Variants in AGBL2 observed in about 807,000 individuals in gnomAD.
AGBL2 encodes cytosolic carboxypeptidase 2.
Under a neutral mutation model 103.0 loss-of-function variants are expected in AGBL2, and 87 were observed. That is an observed-to-expected ratio of 0.84 (90% CI 0.71 to 1.01). AGBL2 has a LOEUF of 1.01. Ranked by LOEUF, AGBL2 falls within the 50% of genes least tolerant of loss-of-function variation. The pLI, the probability that AGBL2 is intolerant of heterozygous loss-of-function variation, is 0.00. For missense variants in AGBL2, 904 were observed against 1,023.5 expected, an observed-to-expected ratio of 0.88 and a Z score of 1.59; for synonymous variants, 335 against 356.7, an observed-to-expected ratio of 0.94 and a Z score of 0.69.
chr11:47,668,607 T>C (rs2097348173), intron 15 of AGBL2, among the ~76,000 whole-genome samples: 1 of 152,206 alleles, frequency 6.6e-6, no homozygotes, highest in Non-Finnish European at 1.5e-5. Flanking sequence ...TTAATGATCA[T>C]TAAATGTGTG....
At chr11:47,670,006 C>T (rs551401729) in intron 14 of AGBL2, among the ~76,000 whole-genome samples, 122 of 152,336 alleles carry the variant, frequency 8.0e-4, no homozygotes, top group Admixed American at 5.6e-3. Flanking sequence ...CACAGATGAA[C>T]GAGGCAGAGC....
chr11:47,712,729 C>A (rs2097539190), intron 3 of AGBL2, among the ~76,000 whole-genome samples: 1 of 151,830 alleles, frequency 6.6e-6, no homozygotes, highest in South Asian at 2.1e-4. Flanking sequence ...CATGAGGAAA[C>A]CCTGTGTCTA....
chr11:47,706,511 G>A (rs985737167), intron 4 of AGBL2, among the ~76,000 whole-genome samples: 18 of 151,618 alleles, frequency 1.2e-4, no homozygotes, highest in Non-Finnish European at 2.2e-4. Flanking sequence ...GCAAGACTCC[G>A]TCTCAAAAAA....
At chr11:47,678,343 A>ATTTTATTATTTTTTTT (rs2097385823) in intron 13 of AGBL2, among the ~76,000 whole-genome samples, 1 of 116,752 alleles carries the variant, frequency 8.6e-6, no homozygotes, top group Non-Finnish European at 1.9e-5. Flanking sequence ...TTATTATTTT[A>ATTTTATTATTTTTTTT]TTTTTTTTGA....
intron 1 of AGBL2, chr11:47,714,971 G>C (rs1340981671): frequency 5.6e-6 from 2 of 354,590 alleles, no homozygotes; most frequent in African/African-American, 4.2e-5. Context: ...CCCTGAGAAA[G>C]GAGATGCTCG....
intron 12 of AGBL2, among the ~76,000 whole-genome samples, chr11:47,681,211 A>G (rs2153803647): frequency 6.6e-6 from 1 of 151,928 alleles, no homozygotes; most frequent in Non-Finnish European, 1.5e-5. Flanking sequence ...ATGCACCTAT[A>G]GTCCCAGCTA....
chr11:47,691,729 A>AAAAAAAAATATATATAT lies in AGBL2; in HGVS notation c.848+373_848+374insATATATATATTTTTTTT. ...TCTCAAGAAAAAAAAAAAAAAAAAA[A>AAAAAAAAATATATATAT]ATATATATATATATATATATATATA... On this transcript the variant is annotated intron_variant, in intron 9 of 18. Coordinates refer to ENST00000525123, the MANE Select transcript of AGBL2 (RefSeq NM_024783.4). Among the ~76,000 whole-genome samples the AAAAAAAAATATATATAT allele has an allele frequency of 8.2e-4, 4 of 4,856 alleles. 1 individual carries two copies. The highest frequency in any genetic ancestry group is 7.2e-4 in the African/African-American group (1 of 1,390). 3.2% of individuals were successfully genotyped at this position (4,856 alleles called of 152,430 possible).
chr11:47,672,972 C>T (rs1251293409), intron 14 of AGBL2, among the ~76,000 whole-genome samples: 1 of 152,110 alleles, frequency 6.6e-6, no homozygotes, highest in African/African-American at 2.4e-5. Flanking sequence ...TTCTTGCATA[C>T]CTGGGAGACA....
chr11:47,662,511 T>TA (rs1258473188), intron 18 of AGBL2, among the ~76,000 whole-genome samples: 1 of 103,442 alleles, frequency 9.7e-6, no homozygotes, highest in Non-Finnish European at 2.0e-5. Context: ...TTTTTTTTTT[T>TA]AGACGGAGTC....
chr11:47,701,613 C>A (rs2097499518), intron 7 of AGBL2, among the ~76,000 whole-genome samples: 1 of 151,892 alleles, frequency 6.6e-6, no homozygotes, highest in African/African-American at 2.4e-5. Context: ...CATTTGAGGC[C>A]AGGAGTTTGG....
chr11:47,663,641 C>T (rs1002497310), intron 17 of AGBL2, among the ~76,000 whole-genome samples: 11 of 151,828 alleles, frequency 7.2e-5, no homozygotes, highest in African/African-American at 2.7e-4. Flanking sequence ...ACTGCAACCT[C>T]TGCCTCCCGG....
In AGBL2 at chr11:47,690,568, G is replaced by C. The variant is rs780131646; in HGVS notation, c.1139C>G (p.Thr380Ser). The change falls in exon 10 of 19, where the codon ACC becomes AGC. Residue 380 changes from threonine (T) to serine (S), a missense_variant. Transcript: ENST00000525123. ...GTCCTGGTCATATGGAAACTGAATG[G>C]TCCACGTGAGACAGTAGAAGGGCTG... The part of the protein sequence containing the change: ...GQQPFYCLTW[T>S]IQFPYDQDTC... 1.2e-6 allele frequency: 2 copies of C among 1,614,164 alleles called. No individual in the cohort carries two copies. The highest frequency in any genetic ancestry group is 1.7e-6 in the Non-Finnish European group (2 of 1,180,042).
In AGBL2 at chr11:47,699,662, A is replaced by G. The variant is rs2097490423; in HGVS notation, c.587-109T>C. The G allele has an allele frequency of 1.0e-5, 6 of 573,024 alleles. No individual in the cohort carries two copies. In the East Asian group the frequency reaches 2.0e-4, roughly 19 times the overall value. The allele number at this position is 573,024 out of a possible 1,614,324, so 35.5% of individuals were successfully genotyped here. On this transcript the variant is annotated intron_variant, in intron 7 of 18. Transcript: ENST00000525123. Reference sequence around the variant, plus strand: ...TTTTTCAAATGGCTAGTTTGGTTGAATCAAACCAAATTCCCACCCTAAATT... The same window carrying G: ...TTTTTCAAATGGCTAGTTTGGTTGAGTCAAACCAAATTCCCACCCTAAATT...
intron 3 of AGBL2, among the ~76,000 whole-genome samples, chr11:47,711,330 C>T (rs1028674473): frequency 6.6e-6 from 1 of 152,286 alleles, no homozygotes; most frequent in African/African-American, 2.4e-5. Context: ...ATAGACTTTT[C>T]ATCAATTCTG....
rs759786188 is a variant in AGBL2, at chr11:47,665,919, G to A, written c.2448+1037C>T. 1.6e-4 allele frequency among the ~76,000 whole-genome samples: 25 copies of A among 152,244 alleles called. No homozygotes were observed. The South Asian group carries it at 1.9e-3, about 11-fold the overall frequency. ...AGCTACTCGGGAGGCTGAGGCGGGAGAATCACTTGAACCCGGGAAGTGGAG... is the reference window on the plus strand; with the variant it reads ...AGCTACTCGGGAGGCTGAGGCGGGAAAATCACTTGAACCCGGGAAGTGGAG... On this transcript the variant is annotated intron_variant, in intron 17 of 18. Coordinates refer to ENST00000525123, the MANE Select transcript of AGBL2 (RefSeq NM_024783.4).
chr11:47,678,655 TTTTG>T (rs953148609), intron 13 of AGBL2, among the ~76,000 whole-genome samples: 55 of 151,290 alleles, frequency 3.6e-4, no homozygotes, highest in African/African-American at 1.1e-3. Context: ...ATTATTAGTT[TTTTG>T]TTTGTTTGTT....
intron 3 of AGBL2, among the ~76,000 whole-genome samples, chr11:47,713,169 G>A (rs550905923): frequency 9.9e-5 from 15 of 151,544 alleles, no homozygotes; most frequent in Admixed American, 2.6e-4. Context: ...TTGAAACCCC[G>A]TCTCTACTAC....
Position 47,680,049 on chromosome 11 carries a change from G to A in AGBL2, c.1940C>T (p.Thr647Ile), listed in dbSNP as rs1210118385. ...ACCTAAGGACTTCAGATCTTCGATG[G>A]TAAAGTGGGTGTCTCTTTTATTACC... The part of the protein sequence containing the change: ...TLGNKRDTHF[T>I]IEDLKSLGYH... Residue 647 changes from threonine to isoleucine, a missense_variant, in exon 13 of 19, where the codon ACC becomes ATC. Coordinates refer to ENST00000525123, the MANE Select transcript of AGBL2 (RefSeq NM_024783.4). 9 of 1,608,248 alleles carry A rather than the reference G, an allele frequency of 5.6e-6. No individual in the cohort carries two copies. Among genetic ancestry groups the A allele is most frequent in the Admixed American group, 1.7e-5 (1 of 59,772 alleles).
At chr11:47,664,876 CT>C (rs1254676250) in intron 17 of AGBL2, among the ~76,000 whole-genome samples, 1 of 134,482 alleles carries the variant, frequency 7.4e-6, no homozygotes, top group African/African-American at 2.9e-5. Flanking sequence ...CACCTCCCAC[CT>C]TTTTTTTTTT....
Sources: allele counts gnomAD v4.1 joint callset (sites outside exome capture counted in the v4.1 genomes callset), GRCh38; gene constraint gnomAD v4.1.1; transcripts MANE v1.5; gene names NCBI Gene and HGNC (gene_info 2026-07-23, HGNC 2026-07-21).